Variants in YLPM1 observed in about 807,000 individuals in gnomAD.
YLPM1 encodes the protein YLP motif-containing protein 1.
A neutral mutation model predicts 230.0 loss-of-function variants in YLPM1; 99 were observed. The observed-to-expected ratio is 0.43, with a 90% CI of 0.37 to 0.51. The LOEUF is 0.51. Ranked by LOEUF, YLPM1 falls within the 20% of genes least tolerant of loss-of-function variation. YLPM1 has a pLI of 0.00. For missense variants in YLPM1, 2,592 were observed against 2,707.7 expected, an observed-to-expected ratio of 0.96 and a Z score of 0.95; for synonymous variants, 984 against 942.5, an observed-to-expected ratio of 1.04 and a Z score of -0.81.
At chr14:74,803,488 CTAAT>C (rs1357697058) in intron 6 of YLPM1, among the ~76,000 whole-genome samples, 1 of 152,162 alleles carries the variant, frequency 6.6e-6, no homozygotes. Context: ...CCATCCTGGT[CTAAT>C]ACTTAACAGT....
chr14:74,773,192 G>A (rs2090996646), intron 1 of YLPM1, among the ~76,000 whole-genome samples: 2 of 152,210 alleles, frequency 1.3e-5, no homozygotes, highest in African/African-American at 4.8e-5. Flanking sequence ...GGAGGCTGAG[G>A]CAGGAGAATG....
intron 4 of YLPM1, among the ~76,000 whole-genome samples, chr14:74,796,750 C>CTTTTTTTTTT (rs755667903): frequency 1.6e-5 from 2 of 127,030 alleles, no homozygotes; most frequent in African/African-American, 2.8e-5. Context: ...GCTACTGTTT[C>CTTTTTTTTTT]TTTTTTTTTT....
intron 1 of YLPM1, among the ~76,000 whole-genome samples, chr14:74,767,258 C>G (rs948275506): frequency 6.6e-6 from 1 of 152,180 alleles, no homozygotes; most frequent in African/African-American, 2.4e-5. Context: ...AATACCTGAT[C>G]CGTTCAGATT....
At chr14:74,781,291 T>G (rs917988080) in intron 3 of YLPM1, 43 bp from the exon 4 acceptor site, 3 of 1,466,834 alleles carry the variant, frequency 2.0e-6, no homozygotes, top group Non-Finnish European at 1.8e-6. Flanking sequence ...ATTAATTATC[T>G]TATATGAATG....
intron 1 of YLPM1, among the ~76,000 whole-genome samples, chr14:74,773,712 T>TTTC (rs1491480288): frequency 5.3e-5 from 4 of 75,490 alleles, no homozygotes; most frequent in African/African-American, 3.8e-4. Flanking sequence ...GTTTTCTTTC[T>TTTC]TTTTTTTTTT....
At chr14:74,786,245 C>CTTGGGAGG (rs1476990888) in intron 4 of YLPM1, among the ~76,000 whole-genome samples, 9 of 151,710 alleles carry the variant, frequency 5.9e-5, no homozygotes, top group African/African-American at 1.9e-4. Context: ...GCCTGTAGTC[C>CTTGGGAGG]CAGCTACTTG....
chr14:74,796,750 CTTT>C (rs755667903), intron 4 of YLPM1, among the ~76,000 whole-genome samples: 3 of 127,022 alleles, frequency 2.4e-5, no homozygotes, highest in Non-Finnish European at 1.7e-5. Flanking sequence ...GCTACTGTTT[CTTT>C]TTTTTTTTTT....
chr14:74,764,348 A>G lies in YLPM1; in HGVS notation c.859A>G (p.Thr287Ala), dbSNP rs2090889517. ...QQAAPEPDPS[T>A]MTPQEQQQYW... Reference sequence around the variant, plus strand: ...AGCCGCCCCTGAGCCAGATCCCTCTACGATGACTCCACAGGTAAGAAAGCA... The same window carrying G: ...AGCCGCCCCTGAGCCAGATCCCTCTGCGATGACTCCACAGGTAAGAAAGCA... The change falls in exon 1 of 21, where the codon ACG becomes GCG. Residue 287 changes from threonine to alanine, a missense_variant. Thr to Ala is a moderately conservative substitution (Grantham distance 58). Coordinates refer to ENST00000325680, the MANE Select transcript of YLPM1 (RefSeq NM_019589.3). 6.2e-7 allele frequency: 1 copy of G among 1,610,140 alleles called. No homozygotes were observed. The highest frequency in any genetic ancestry group is 2.2e-5 in the East Asian group (1 of 44,834).
Position 74,781,564 on chromosome 14 carries a change from GA to G in YLPM1, c.1523del (p.Asn508ThrfsTer39), listed in dbSNP as rs2091092265. On this transcript the variant is annotated frameshift_variant, in exon 4 of 21. Transcript: ENST00000325680. LOFTEE classifies it high-confidence loss of function. ...AAGTCAATTCATTTCAGAACATGAAGAACCAGTATATGGGGAACATGTCAAT... is the reference window on the plus strand; with the variant it reads ...AAGTCAATTCATTTCAGAACATGAAGACCAGTATATGGGGAACATGTCAAT... ...EKVNSFQNMK[N>X]QYMGNMSMPP... 1 of 1,613,886 alleles carries G rather than the reference GA, an allele frequency of 6.2e-7. No homozygotes were observed. The highest frequency in any genetic ancestry group is 1.7e-5 in the Admixed American group (1 of 59,998).
intron 1 of YLPM1, among the ~76,000 whole-genome samples, chr14:74,774,120 G>A (rs2091007810): frequency 6.6e-6 from 1 of 152,204 alleles, no homozygotes; most frequent in Middle Eastern, 3.2e-3. Flanking sequence ...TGAGGATAAT[G>A]TAAGTTGAAC....
chr14:74,781,295 A>G (rs1230473932), intron 3 of YLPM1, 39 bp from the exon 4 acceptor site: 4 of 1,474,002 alleles, frequency 2.7e-6, no homozygotes, highest in Non-Finnish European at 3.6e-6. Context: ...ATTATCTTAT[A>G]TGAATGGTTT....
rs1256371876 is a variant in YLPM1, at chr14:74,764,327, G to A, written c.838G>A (p.Ala280Thr). 4 of 1,612,514 alleles carry A rather than the reference G, an allele frequency of 2.5e-6. No individual in the cohort carries two copies. The Admixed American group carries it at 6.7e-5, about 27-fold the overall frequency. Residue 280 changes from alanine (A) to threonine (T), a missense_variant, in exon 1 of 21, where the codon GCC (alanine) becomes ACC (threonine). Ala to Thr is a moderately conservative substitution (Grantham distance 58, BLOSUM62 0). Around this residue, in one of 4 missense-constraint regions of YLPM1, gnomAD observed 1,862 missense variants for 1,819.8 expected, o/e 1.02. Coordinates refer to ENST00000325680, the MANE Select transcript of YLPM1 (RefSeq NM_019589.3). The stretch of plus-strand genomic sequence containing the variant: ...CAAGAGTACTGAACAGCAGCAAGCC[G>A]CCCCTGAGCCAGATCCCTCTACGAT... The part of the protein sequence containing the change: ...KNKSTEQQQA[A>T]PEPDPSTMTP...
Position 74,835,822 on chromosome 14 carries a change from TTGTG to T in YLPM1, c.*88_*91del, listed in dbSNP as rs927905581. 30 of 457,010 alleles carry T rather than the reference TTGTG, an allele frequency of 6.6e-5. No individual in the cohort carries two copies. The highest frequency in any genetic ancestry group is 5.6e-4 in the African/African-American group (28 of 50,186). 28.3% of individuals were successfully genotyped at this position (457,010 alleles called of 1,614,324 possible). A position where few individuals can be genotyped will look rare whatever the true frequency, so the allele number is the denominator to read the frequency against. ...GAAGCCAAGGCCTCGCGGAGCTTCT[TTGTG>T]TGTCACCTTGCTTCCACGTTTCAGT... On this transcript the variant is annotated 3_prime_UTR_variant, in exon 21 of 21. Coordinates refer to ENST00000325680, the MANE Select transcript of YLPM1 (RefSeq NM_019589.3).
intron 1 of YLPM1, among the ~76,000 whole-genome samples, chr14:74,765,764 C>CTTAA (rs1254606185): frequency 6.6e-6 from 1 of 152,086 alleles, no homozygotes; most frequent in Admixed American, 6.5e-5. Context: ...CAGATCAGGC[C>CTTAA]TTAATATGTA....
At position 74,829,196 on chromosome 14, in the gene YLPM1, CTG is replaced by C; in HGVS notation, c.6164-13_6164-12del. On this transcript the variant is annotated splice_polypyrimidine_tract_variant and intron_variant, in intron 18 of 20. Coordinates refer to ENST00000325680, the MANE Select transcript of YLPM1 (RefSeq NM_019589.3). The stretch of plus-strand genomic sequence containing the variant: ...CACACTCTTCCTTAATGCTACGGCT[CTG>C]TGTTTGTCCCTCAGACAAGTTGGAT... 6.2e-7 allele frequency: 1 copy of C among 1,612,430 alleles called. No individual in the cohort carries two copies. Among genetic ancestry groups the C allele is most frequent in the African/African-American group, 1.3e-5 (1 of 74,942 alleles).
chr14:74,796,750 CTTTTTTT>C (rs755667903), intron 4 of YLPM1, among the ~76,000 whole-genome samples: 1 of 127,034 alleles, frequency 7.9e-6, no homozygotes, highest in Non-Finnish European at 1.7e-5. Flanking sequence ...GCTACTGTTT[CTTTTTTT>C]TTTTTTTTTA....
intron 1 of YLPM1, among the ~76,000 whole-genome samples, chr14:74,766,575 C>T (rs2090913409): frequency 6.6e-6 from 1 of 151,856 alleles, no homozygotes; most frequent in South Asian, 2.1e-4. Flanking sequence ...CAACCTCTGC[C>T]TCCCAGGCTC....
chr14:74,827,828 C>T, intron 18 of YLPM1: 10 of 985,236 alleles, frequency 1.0e-5, no homozygotes, highest in Non-Finnish European at 1.1e-5. Context: ...GTCAGGGGGT[C>T]ACTTCTTTAA....
rs1249552745 is a variant in YLPM1 at position 74,763,377 on chromosome 14, C to G, written c.-113C>G. The G allele has an allele frequency of 4.6e-6, 6 of 1,317,382 alleles. No individual in the cohort carries two copies. The East Asian group carries it at 8.8e-5, about 19-fold the overall frequency. 81.6% of individuals were successfully genotyped at this position (1,317,382 alleles called of 1,614,324 possible). A position where few individuals can be genotyped will look rare whatever the true frequency, so the allele number is the denominator to read the frequency against. The stretch of plus-strand genomic sequence containing the variant: ...CACTGGCGCGCTCCGTTTACACGCT[C>G]CGGGGCCTGTAGGCGCCGCGAGTTC... On this transcript the variant is annotated 5_prime_UTR_variant, in exon 1 of 21. Transcript: ENST00000325680.
Sources: allele counts gnomAD v4.1 joint callset (sites outside exome capture counted in the v4.1 genomes callset), GRCh38; gene constraint gnomAD v4.1.1; regional missense constraint gnomAD v4.1.1; transcripts MANE v1.5; gene names NCBI Gene and HGNC (gene_info 2026-07-23, HGNC 2026-07-21).